ITGA11: variants seen among roughly 807,000 people sequenced by gnomAD.
ITGA11 encodes the protein integrin alpha-11.
ITGA11 carries 97 observed loss-of-function variants against 141.9 expected under a neutral mutation model. The ratio of observed to expected loss-of-function variants is 0.68; its 90% CI spans 0.58 to 0.81. The LOEUF is 0.81. ITGA11 is among the 30% of genes least tolerant of loss of function. ITGA11 has a pLI of 0.00. For synonymous variants in ITGA11, 658 were observed against 624.6 expected, an observed-to-expected ratio of 1.05 and a Z score of -0.80; for missense variants, 1,387 against 1,559.2, an observed-to-expected ratio of 0.89 and a Z score of 1.86.
In ITGA11 at chr15:68,361,622, C is replaced by G. The variant is rs1453432364; in HGVS notation, c.440G>C (p.Arg147Thr). ...GMCSRVNSNF[R>T]FSKTVAPALQ... Reference sequence around the variant, plus strand: ...AGCTGGGGCCACGGTCTTGGAGAACCTGAAGTTGGAGTTGACTCTTGAACA... The same window carrying G: ...AGCTGGGGCCACGGTCTTGGAGAACGTGAAGTTGGAGTTGACTCTTGAACA... Residue 147 changes from arginine (R) to threonine (T), a missense_variant, in exon 5 of 30, where the codon AGG (arginine) becomes ACG (threonine). Arg to Thr is a moderately conservative substitution (Grantham distance 71). Transcript: ENST00000315757. The G allele has an allele frequency of 6.2e-7, 1 of 1,609,610 alleles. No individual in the cohort carries two copies. The highest frequency in any genetic ancestry group is 1.3e-5 in the African/African-American group (1 of 74,866).
At chr15:68,368,039 CAGCGGG>C (rs1895481519) in intron 3 of ITGA11, among the ~76,000 whole-genome samples, 1 of 152,236 alleles carries the variant, frequency 6.6e-6, no homozygotes, top group Non-Finnish European at 1.5e-5. Flanking sequence ...CAGATGTGGA[CAGCGGG>C]AGCCTCCGGG....
chr15:68,381,624 T>G (rs982541895), intron 2 of ITGA11, among the ~76,000 whole-genome samples: 27 of 151,972 alleles, frequency 1.8e-4, no homozygotes, highest in Non-Finnish European at 7.4e-5. Flanking sequence ...GGCATCATCT[T>G]GGCTCACTGC....
chr15:68,321,707 C>T lies in ITGA11; in HGVS notation c.2323-204G>A, dbSNP rs1048008916. 7.2e-5 allele frequency among the ~76,000 whole-genome samples: 11 copies of T among 152,174 alleles called. No individual in the cohort carries two copies. The highest frequency in any genetic ancestry group is 1.5e-4 in the Non-Finnish European group (10 of 68,038). On this transcript the variant is annotated intron_variant, in intron 18 of 29. Coordinates refer to ENST00000315757, the MANE Select transcript of ITGA11 (RefSeq NM_001004439.2). This position sits in a 1 kb window ranked among gnomAD's most constrained non-coding sequence, Gnocchi z 4.9. ...GCTCAAAGCTCAGCTCCTCCTGGCT[C>T]CCCTCCAGTTCATAACTGAGCTGAT...
intron 1 of ITGA11, among the ~76,000 whole-genome samples, chr15:68,427,160 C>T (rs1232054813): frequency 6.6e-6 from 1 of 151,824 alleles, no homozygotes; most frequent in Non-Finnish European, 1.5e-5. Flanking sequence ...GTAGCAGTGA[C>T]TTTGTGCAAC....
At chr15:68,416,907 C>A (rs917043421) in intron 1 of ITGA11, among the ~76,000 whole-genome samples, 1 of 152,140 alleles carries the variant, frequency 6.6e-6, no homozygotes, top group Non-Finnish European at 1.5e-5. Context: ...CATATGGAGA[C>A]CCCATCTCCG....
In ITGA11 at chr15:68,331,015, C is replaced by T. The variant is rs2140302123; in HGVS notation, c.1867G>A (p.Ala623Thr). 1 of 1,613,816 alleles carries T rather than the reference C, an allele frequency of 6.2e-7. No individual in the cohort carries two copies. The highest frequency in any genetic ancestry group is 1.3e-5 in the African/African-American group (1 of 75,044). Residue 623 changes from alanine to threonine, a missense_variant, in exon 15 of 30, where the codon GCA becomes ACA. Coordinates refer to ENST00000315757, the MANE Select transcript of ITGA11 (RefSeq NM_001004439.2). ...DLNEDGLIDL[A>T]VGALGNAVIL... ...ACAGCGTTGCCAAGGGCTCCCACTG[C>T]CAGGTCGATGAGCCCATCCTCATTG...
chr15:68,358,824 A>T (rs1418559380), intron 5 of ITGA11, among the ~76,000 whole-genome samples: 2 of 152,218 alleles, frequency 1.3e-5, no homozygotes, highest in Non-Finnish European at 2.9e-5. Flanking sequence ...AAGCCTGATC[A>T]CTTCTATTCC....
intron 2 of ITGA11, among the ~76,000 whole-genome samples, chr15:68,393,132 C>T (rs1488759799): frequency 6.6e-6 from 1 of 152,056 alleles, no homozygotes; most frequent in African/African-American, 2.4e-5. Context: ...ATGGATACAG[C>T]AGAAAGCTGG....
intron 2 of ITGA11, among the ~76,000 whole-genome samples, chr15:68,400,528 G>T (rs1199693511): frequency 2.4e-5 from 3 of 122,526 alleles, no homozygotes; most frequent in African/African-American, 9.3e-5. Context: ...ATGTCACAAA[G>T]GAAGTGTATA....
intron 13 of ITGA11, 58 bp from the exon 14 acceptor site, chr15:68,332,120 A>AT: frequency 7.0e-7 from 1 of 1,434,208 alleles, no homozygotes; most frequent in Non-Finnish European, 9.6e-7. Flanking sequence ...CCTCAGGCTC[A>AT]TAATTCCCTC....
rs1185714985 is a variant in ITGA11 at position 68,324,548 on chromosome 15, G to A, written c.2322+583C>T. Among the ~76,000 whole-genome samples the A allele has an allele frequency of 1.3e-5, 2 of 152,118 alleles. No individual in the cohort carries two copies. The highest frequency in any genetic ancestry group is 2.4e-5 in the African/African-American group (1 of 41,436). On this transcript the variant is annotated intron_variant, in intron 18 of 29. Transcript: ENST00000315757. This position sits in a 1 kb window ranked among gnomAD's most constrained non-coding sequence, Gnocchi z 6.3. ...TTGAGTGGGATTTACATGGAGTTGC[G>A]GCTGCAGGGAGCATTTGAATGTTAG...
intron 4 of ITGA11, among the ~76,000 whole-genome samples, chr15:68,364,221 T>C (rs1286970788): frequency 1.3e-5 from 2 of 152,198 alleles, no homozygotes; most frequent in Non-Finnish European, 1.5e-5. Flanking sequence ...TCTGTAGCCC[T>C]TCCCTCGGCT....
chr15:68,315,569 C>A, intron 22 of ITGA11, 82 bp downstream of exon 22: 1 of 1,161,022 alleles, frequency 8.6e-7, no homozygotes, highest in South Asian at 1.3e-5. Flanking sequence ...GACTCAGTGT[C>A]GGGAGGAGCA....
At chr15:68,403,134 T>C (rs1274758625) in intron 1 of ITGA11, 105 bp from the exon 2 acceptor site, 1 of 730,476 alleles carries the variant, frequency 1.4e-6, no homozygotes, top group Admixed American at 2.3e-5. Context: ...CCTTGGAGGG[T>C]CTTGGCTGTG....
intron 2 of ITGA11, among the ~76,000 whole-genome samples, chr15:68,397,348 T>A (rs183959233): frequency 3.1e-5 from 1 of 32,414 alleles, no homozygotes; most frequent in African/African-American, 1.5e-4. Flanking sequence ...TATAATATAT[T>A]ATATATTATT....
At chr15:68,340,794 T>C (rs1473538680) in intron 10 of ITGA11, 1 of 152,204 alleles carries the variant, frequency 6.6e-6, no homozygotes, top group African/African-American at 2.4e-5. Context: ...TCGACATACC[T>C]ACTGGGTACA....
rs137971564 is a variant in ITGA11, at chr15:68,430,177, C to T, written c.52+1838G>A. On this transcript the variant is annotated intron_variant, in intron 1 of 29. Coordinates refer to ENST00000315757, the MANE Select transcript of ITGA11 (RefSeq NM_001004439.2). ...TCAGGAGTGGTTTTCGCCATATAAGCGGAGCTCTGAGTCACAAATCCTGTG... is the reference window on the plus strand; with the variant it reads ...TCAGGAGTGGTTTTCGCCATATAAGTGGAGCTCTGAGTCACAAATCCTGTG... Among the ~76,000 whole-genome samples the T allele has an allele frequency of 1.1e-3, 160 of 152,294 alleles. 1 individual carries two copies. The East Asian group carries it at 0.016, about 15-fold the overall frequency.
At chr15:68,339,694 T>C (rs1322034853) in intron 10 of ITGA11, 50 bp from the exon 11 acceptor site, 2 of 1,606,362 alleles carry the variant, frequency 1.2e-6, no homozygotes, top group Non-Finnish European at 1.7e-6. Context: ...ATGGGCCAGT[T>C]GCCAGGAGCC....
chr15:68,419,121 G>T (rs964902957), intron 1 of ITGA11, among the ~76,000 whole-genome samples: 4 of 152,130 alleles, frequency 2.6e-5, no homozygotes, highest in Non-Finnish European at 5.9e-5. Flanking sequence ...TGGCTGCATG[G>T]AATTTAACAG....
Sources: gnomAD v4.1 joint callset for allele counts (sites outside exome capture counted in the v4.1 genomes callset) on GRCh38, gnomAD v4.1.1 for gene constraint, Gnocchi (gnomAD v3.1) non-coding constraint, MANE v1.5 for transcripts, NCBI Gene and HGNC (gene_info 2026-07-23, HGNC 2026-07-21) for gene names.